The following FRAS1 variants were observed in gnomAD, a reference collection of about 807,000 sequenced individuals.
The protein encoded by FRAS1 is Fraser extracellular matrix complex subunit 1, also known as extracellular matrix organizing protein FRAS1.
FRAS1 carries 290 observed loss-of-function variants against 435.2 expected under a neutral mutation model. That is an observed-to-expected ratio of 0.67 (90% confidence interval 0.61 to 0.73). FRAS1 has a LOEUF of 0.73. Ranked by LOEUF, FRAS1 falls within the 30% of genes least tolerant of loss-of-function variation. FRAS1 has a pLI of 0.00. For missense variants in FRAS1, 4,860 were observed against 5,001.5 expected, an observed-to-expected ratio of 0.97 and a Z score of 0.85; for synonymous variants, 1,800 against 1,851.0, an observed-to-expected ratio of 0.97 and a Z score of 0.71.
At chr4:78,397,811 A>G (rs1401973803) in intron 29 of FRAS1, among the ~76,000 whole-genome samples, 3 of 152,176 alleles carry the variant, frequency 2.0e-5, no homozygotes, top group African/African-American at 7.2e-5. Context: ...AGGCTGGGGA[A>G]GCTGGGCACT....
intron 2 of FRAS1, among the ~76,000 whole-genome samples, chr4:78,198,131 C>T (rs184715077): frequency 1.3e-4 from 20 of 152,242 alleles, no homozygotes; most frequent in East Asian, 3.9e-4. Flanking sequence ...AACCACAAGG[C>T]GGCCTCTTTT....
chr4:78,413,891 G>A (rs1253158055), intron 32 of FRAS1, among the ~76,000 whole-genome samples: 1 of 152,128 alleles, frequency 6.6e-6, no homozygotes, highest in Non-Finnish European at 1.5e-5. Flanking sequence ...TCTGGGGAGG[G>A]GAGAGGGTGA....
At chr4:78,139,588 A>G (rs1720074415) in intron 2 of FRAS1, among the ~76,000 whole-genome samples, 1 of 152,174 alleles carries the variant, frequency 6.6e-6, no homozygotes, top group African/African-American at 2.4e-5. Flanking sequence ...CCCCAAATAT[A>G]GCCAGTACTC....
chr4:78,077,889 C>A (rs1578108687), intron 2 of FRAS1, among the ~76,000 whole-genome samples: 1 of 142,858 alleles, frequency 7.0e-6, no homozygotes. Context: ...ATACTGAAAG[C>A]AATACAGCCT....
chr4:78,119,558 T>C (rs1718892412), intron 2 of FRAS1, among the ~76,000 whole-genome samples: 1 of 152,240 alleles, frequency 6.6e-6, no homozygotes, highest in Non-Finnish European at 1.5e-5. Context: ...CCATGGTCTA[T>C]AGATATCACA....
rs187085319 is a variant in FRAS1, at chr4:78,463,095, C to A, written c.6764-926C>A. Among the ~76,000 whole-genome samples, 29 of 152,186 alleles carry A rather than the reference C, an allele frequency of 1.9e-4. No individual in the cohort carries two copies. In the East Asian group the frequency reaches 3.3e-3, roughly 17 times the overall value. On this transcript the variant is annotated intron_variant, in intron 47 of 73. Transcript: ENST00000512123. Reference sequence around the variant, plus strand: ...CAGAATCAGAAAGAGAGAATTTGTGCTGGAGGATTAAAAGATGTCATTTTC... The same window carrying A: ...CAGAATCAGAAAGAGAGAATTTGTGATGGAGGATTAAAAGATGTCATTTTC...
rs1560649268 is a variant in FRAS1 at position 78,315,575 on chromosome 4, G to T, written c.1679-19G>T. 1.3e-6 allele frequency: 2 copies of T among 1,597,874 alleles called. No homozygotes were observed. The highest frequency in any genetic ancestry group is 1.7e-5 in the Admixed American group (1 of 57,954). On this transcript the variant is annotated intron_variant, in intron 15 of 73. Transcript: ENST00000512123. ...GCTCACTATTGCCTTTCTCTGATGG[G>T]TTTTTTGCCTCCCCTTAGCTTGTGA...
At chr4:78,385,638 C>T (rs983043854) in intron 28 of FRAS1, among the ~76,000 whole-genome samples, 8 of 152,114 alleles carry the variant, frequency 5.3e-5, no homozygotes, top group African/African-American at 1.9e-4. Context: ...GTAATCCCAG[C>T]AATTTGGGAG....
intron 19 of FRAS1, among the ~76,000 whole-genome samples, chr4:78,334,802 A>G (rs1730105664): frequency 6.6e-6 from 1 of 152,002 alleles, no homozygotes; most frequent in South Asian, 2.1e-4. Flanking sequence ...TCTGTCACCC[A>G]GGATGGAGTG....
rs778390998 is a variant in FRAS1, at chr4:78,472,329, G to C, written c.7521G>C (p.Gln2507His). ...GCAGAGCTGCTGCCACTTTCACCCAGGGTGGGGACTCTCTGGGAACTTAGA... is the reference window on the plus strand; with the variant it reads ...GCAGAGCTGCTGCCACTTTCACCCACGGTGGGGACTCTCTGGGAACTTAGA... ...QPGRAAATFT[Q>H]EDVNLGLIRY... Residue 2507 changes from glutamine (Q) to histidine (H), a missense_variant and splice_region_variant, in exon 52 of 74, where the codon CAG becomes CAC. Transcript: ENST00000512123. The C allele has an allele frequency of 4.4e-6, 7 of 1,599,744 alleles. No homozygotes were observed. Among genetic ancestry groups the C allele is most frequent in the Non-Finnish European group, 5.1e-6 (6 of 1,171,256 alleles).
At chr4:78,361,050 A>G (rs543238688) in intron 20 of FRAS1, among the ~76,000 whole-genome samples, 1 of 152,250 alleles carries the variant, frequency 6.6e-6, no homozygotes. Context: ...AGGATAGGCC[A>G]TGGCTTTTCA....
intron 2 of FRAS1, among the ~76,000 whole-genome samples, chr4:78,151,587 C>T (rs966892954): frequency 6.6e-6 from 1 of 152,086 alleles, no homozygotes; most frequent in Non-Finnish European, 1.5e-5. Flanking sequence ...CAAGTTAAGG[C>T]TAATGGAAGT....
chr4:78,137,397 A>G (rs1309641467), intron 2 of FRAS1, among the ~76,000 whole-genome samples: 9 of 152,174 alleles, frequency 5.9e-5, no homozygotes. Context: ...ATGTATACAT[A>G]TATATTTTTT....
At chr4:78,538,420 G>T (rs1253775076) in intron 72 of FRAS1, among the ~76,000 whole-genome samples, 1 of 152,156 alleles carries the variant, frequency 6.6e-6, no homozygotes, top group Non-Finnish European at 1.5e-5. Flanking sequence ...GATCACAAAA[G>T]CCACCACATG....
At position 78,379,822 on chromosome 4, in the gene FRAS1, A is replaced by T. The variant is rs1731939325; in HGVS notation, c.3389A>T (p.Asp1130Val). ...PLDFSLLNVQ[D>V]QEGRVEDLLF... ...GATTTTTCCCTCCTGAATGTCCAAG[A>T]CCAGGAGGGTAGGGTCGAAGATCTC... The change falls in exon 27 of 74, where the codon GAC (aspartate) becomes GTC (valine). Residue 1130 changes from aspartate to valine, a missense_variant. Physicochemically the swap from Asp to Val is radical, Grantham distance 152 (BLOSUM62 -3). Coordinates refer to ENST00000512123, the MANE Select transcript of FRAS1 (RefSeq NM_025074.7). 1 of 1,613,774 alleles carries T rather than the reference A, an allele frequency of 6.2e-7. No homozygotes were observed. Among genetic ancestry groups the T allele is most frequent in the Non-Finnish European group, 8.5e-7 (1 of 1,179,782 alleles).
At chr4:78,304,607 T>G (rs1004418155) in intron 14 of FRAS1, among the ~76,000 whole-genome samples, 1 of 151,904 alleles carries the variant, frequency 6.6e-6, no homozygotes, top group Non-Finnish European at 1.5e-5. Flanking sequence ...AGTGTATGTG[T>G]CGAGGAATTT....
rs540382708 is a variant in FRAS1 at position 78,120,628 on chromosome 4, G to C, written c.108+54612G>C. Among the ~76,000 whole-genome samples, 43 of 152,234 alleles carry C rather than the reference G, an allele frequency of 2.8e-4. No homozygotes were observed. In the East Asian group the frequency reaches 8.1e-3, roughly 29 times the overall value. ...AGCCCAGGCCAGTCTTGTTCAAGAG[G>C]AGGCCATTTGTTAGTGTGGCTGTCC... On this transcript the variant is annotated intron_variant, in intron 2 of 73. Transcript: ENST00000512123.
At chr4:78,308,260 C>T in intron 15 of FRAS1, 51 bp downstream of exon 15, 1 of 1,576,230 alleles carries the variant, frequency 6.3e-7, no homozygotes, top group Non-Finnish European at 8.7e-7. Flanking sequence ...TCTTTTCCAG[C>T]ATCTCTTGTT....
intron 2 of FRAS1, among the ~76,000 whole-genome samples, chr4:78,108,503 G>C (rs1578127648): frequency 1.1e-5 from 1 of 93,700 alleles, no homozygotes. Flanking sequence ...ATGACTACTG[G>C]GTACATAACG....
Sources: allele counts gnomAD v4.1 joint callset (sites outside exome capture counted in the v4.1 genomes callset), GRCh38; gene constraint gnomAD v4.1.1; transcripts MANE v1.5; gene names NCBI Gene and HGNC (gene_info 2026-07-23, HGNC 2026-07-21).